GRIP2: variants seen among roughly 807,000 people sequenced by gnomAD.
GRIP2 encodes the protein glutamate receptor interacting protein 2, also known as glutamate receptor-interacting protein 2.
In GRIP2, 58 loss-of-function variants were observed where a neutral mutation model predicts 108.3. The ratio of observed to expected loss-of-function variants is 0.54; its 90% CI spans 0.43 to 0.67. GRIP2 has a LOEUF of 0.67. GRIP2 is among the 30% of genes least tolerant of loss of function. The probability of loss-of-function intolerance (pLI) is 0.00; values close to 1 mark genes in which losing one functional copy is unlikely to be tolerated. For synonymous variants in GRIP2, 586 were observed against 598.2 expected, an observed-to-expected ratio of 0.98 and a Z score of 0.30; for missense variants, 1,278 against 1,430.6, an observed-to-expected ratio of 0.89 and a Z score of 1.72.
intron 11 of GRIP2, among the ~76,000 whole-genome samples, chr3:14,515,851 G>A (rs544097778): frequency 1.3e-5 from 2 of 151,882 alleles, no homozygotes; most frequent in Non-Finnish European, 2.9e-5. Flanking sequence ...GGCTGGTCTC[G>A]AACTCCTGGC....
chr3:14,544,214 G>A (rs755739737), upstream of GRIP2, among the ~76,000 whole-genome samples: 1 of 152,068 alleles, frequency 6.6e-6, no homozygotes, highest in Non-Finnish European at 1.5e-5. Context: ...GCAAACTCAC[G>A]GTCACCACAT....
At chr3:14,538,281 C>T (rs1478510581) in intron 1 of GRIP2, among the ~76,000 whole-genome samples, 2 of 152,174 alleles carry the variant, frequency 1.3e-5, no homozygotes, top group Non-Finnish European at 2.9e-5. Context: ...CATGACCAGG[C>T]CTGGCCAATC....
intron 7 of GRIP2, 192 bp from the exon 8 acceptor site, chr3:14,520,729 A>G: frequency 1.6e-6 from 1 of 639,754 alleles, no homozygotes; most frequent in South Asian, 2.0e-5. Context: ...GACAGATAAG[A>G]TAGCAGTGGA....
the GRIP2 span, among the ~76,000 whole-genome samples, chr3:14,588,932 GC>G: frequency 6.6e-6 from 1 of 152,138 alleles, no homozygotes; most frequent in East Asian, 1.9e-4. Context: ...CTCACACCCA[GC>G]CCCCCAAAAC....
Position 14,507,673 on chromosome 3 carries a change from G to T in GRIP2, c.2106C>A (p.Arg702=), listed in dbSNP as rs1036993331. The T allele has an allele frequency of 3.7e-6, 6 of 1,613,872 alleles. No homozygotes were observed. Among genetic ancestry groups the T allele is most frequent in the Non-Finnish European group, 5.1e-6 (6 of 1,179,890 alleles). The change falls in exon 18 of 24, where the codon CGC becomes CGA. Residue 702 remains arginine (R), a synonymous_variant. Transcript: ENST00000621039. This position sits in a 1 kb window ranked among gnomAD's most constrained non-coding sequence, Gnocchi z 4.6. ...GGCTAACGTTGTTGATGGCCAGAAT[G>T]CGGTCCCCCACGTGGATGGCACCAG... is the stretch of plus-strand genomic sequence containing the variant. The part of the protein sequence containing the change: ...ERTGAIHVGD[R]ILAINNVSLK...
At chr3:14,559,293 A>G (rs1695284174), upstream of GRIP2, among the ~76,000 whole-genome samples, 1 of 152,172 alleles carries the variant, frequency 6.6e-6, no homozygotes, top group African/African-American at 2.4e-5. Context: ...CAGAGTTCCA[A>G]GTGAAATTGG....
upstream of GRIP2, among the ~76,000 whole-genome samples, chr3:14,556,514 T>G (rs1695239237): frequency 6.6e-6 from 1 of 152,210 alleles, no homozygotes; most frequent in Non-Finnish European, 1.5e-5. Flanking sequence ...TAAGGAGCTC[T>G]GAGACAAGGA....
Position 14,505,175 on chromosome 3 carries a change from A to G in GRIP2, c.2573+440T>C, listed in dbSNP as rs1486387728. Among the ~76,000 whole-genome samples the G allele has an allele frequency of 1.3e-5, 2 of 152,192 alleles. No individual in the cohort carries two copies. Among genetic ancestry groups the G allele is most frequent in the Admixed American group, 1.3e-4 (2 of 15,290 alleles). On this transcript the variant is annotated intron_variant, in intron 20 of 23. Transcript: ENST00000621039. This position sits in a 1 kb window ranked among gnomAD's most constrained non-coding sequence, Gnocchi z 4.2. The stretch of plus-strand genomic sequence containing the variant: ...GGGTGGCCTGGGCCAGATGAGGAAC[A>G]GCATTTCTCCACAGCCTGCTCTCTG...
intron 17 of GRIP2, among the ~76,000 whole-genome samples, chr3:14,508,720 G>A (rs75041841): frequency 3.9e-5 from 6 of 152,120 alleles, no homozygotes; most frequent in African/African-American, 1.4e-4. Context: ...GCTAAAAGCA[G>A]AAAACTCACA....
chr3:14,501,088 A>T (rs1693752815), intron 21 of GRIP2, among the ~76,000 whole-genome samples: 1 of 152,252 alleles, frequency 6.6e-6, no homozygotes, highest in Non-Finnish European at 1.5e-5. Context: ...ATGCCACAAC[A>T]TGAAGCTAAG....
the GRIP2 span, among the ~76,000 whole-genome samples, chr3:14,585,871 A>G: frequency 1.3e-5 from 2 of 152,082 alleles, no homozygotes; most frequent in South Asian, 4.2e-4. Flanking sequence ...AGGGGACAGC[A>G]GGTGCAAGGT....
chr3:14,550,214 C>T (rs1456243310), intron 1 of GRIP2, among the ~76,000 whole-genome samples: 10 of 152,224 alleles, frequency 6.6e-5, no homozygotes, highest in Admixed American at 6.5e-4. Context: ...TTCCCAGCAC[C>T]AAGTAGCAGA....
chr3:14,593,435 C>T, the GRIP2 span, among the ~76,000 whole-genome samples: 15 of 152,318 alleles, frequency 9.8e-5, no homozygotes, highest in Non-Finnish European at 1.9e-4. Context: ...GGACAACTTA[C>T]GACCATTTGC....
At chr3:14,519,866 T>C (rs73132027) in intron 9 of GRIP2, among the ~76,000 whole-genome samples, 7,526 of 53,590 alleles carry the variant, frequency 0.14, 263 homozygotes, top group East Asian at 0.32. Flanking sequence ...ATGCAACCAG[T>C]GATGAAACCA....
chr3:14,595,130 T>C, the GRIP2 span, among the ~76,000 whole-genome samples: 1 of 152,146 alleles, frequency 6.6e-6, no homozygotes, highest in East Asian at 1.9e-4. Flanking sequence ...ACTCCTGGGC[T>C]CAAGTGATCC....
the GRIP2 span, chr3:14,573,238 G>A: frequency 7.1e-7 from 1 of 1,406,696 alleles, no homozygotes. Flanking sequence ...AGGCAGGCCA[G>A]GATGCCAAAC....
rs151022744 is a variant in GRIP2 at position 14,523,161 on chromosome 3, T to C, written c.491-86A>G. 676 of 987,268 alleles carry C rather than the reference T, an allele frequency of 6.8e-4. 2 individuals are homozygous for C. In the East Asian group the frequency reaches 0.014, roughly 21 times the overall value. The allele number at this position is 987,268 out of a possible 1,614,324, so 61.2% of individuals were successfully genotyped here. A position where few individuals can be genotyped will look rare whatever the true frequency, so the allele number is the denominator to read the frequency against. The stretch of plus-strand genomic sequence containing the variant: ...CCACACAGCCCCTGAGCAGGCTCCT[T>C]CAATAAAACCTGTTTGAGGACCTTG... On this transcript the variant is annotated intron_variant, in intron 5 of 23. Coordinates refer to ENST00000621039, the MANE Select transcript of GRIP2 (RefSeq NM_001080423.4).
At position 14,522,903 on chromosome 3, in the gene GRIP2, C is replaced by G; in HGVS notation, c.566+97G>C. On this transcript the variant is annotated intron_variant, in intron 6 of 23. Transcript: ENST00000621039. The surrounding 1 kb of genome is among the most constrained non-coding windows in gnomAD (Gnocchi z 4.3). ...TGTTCCCTCAGGGCCTCGATCTCTT[C>G]ATCTGGGGAAGGGGCATGGTGACCC... 1.0e-6 allele frequency: 1 copy of G among 1,000,752 alleles called. No individual in the cohort carries two copies. The allele number at this position is 1,000,752 out of a possible 1,614,324, so 62.0% of individuals were successfully genotyped here.
chr3:14,564,480 A>T, the GRIP2 span, among the ~76,000 whole-genome samples: 1 of 152,052 alleles, frequency 6.6e-6, no homozygotes, highest in Non-Finnish European at 1.5e-5. Context: ...GAGGGGGTTC[A>T]GAGTCAAACA....
Sources: gnomAD v4.1 joint callset for allele counts (sites outside exome capture counted in the v4.1 genomes callset) on GRCh38, gnomAD v4.1.1 for gene constraint, Gnocchi (gnomAD v3.1) non-coding constraint, MANE v1.5 for transcripts, NCBI Gene and HGNC (gene_info 2026-07-23, HGNC 2026-07-21) for gene names.